The following TPD52L1 variants were observed in gnomAD, a reference collection of about 807,000 sequenced individuals.
TPD52L1 encodes the protein tumor protein D53.
A neutral mutation model predicts 28.7 loss-of-function variants in TPD52L1; 18 were observed. The ratio of observed to expected loss-of-function variants is 0.63; its 90% CI spans 0.43 to 0.93. TPD52L1 has a LOEUF of 0.93. Among genes scored for constraint, TPD52L1 ranks in the 40% least tolerant of loss-of-function variants. The pLI is 0.00. For synonymous variants in TPD52L1, 75 were observed against 88.8 expected, an observed-to-expected ratio of 0.84 and a Z score of 0.88; for missense variants, 203 against 254.8, an observed-to-expected ratio of 0.80 and a Z score of 1.39.
intron 3 of TPD52L1, among the ~76,000 whole-genome samples, chr6:125,244,886 T>C (rs749911814): frequency 2.4e-4 from 37 of 152,336 alleles, no homozygotes; most frequent in Admixed American, 5.2e-4. Context: ...CAAGGCCTGC[T>C]GTTCACATTC....
chr6:125,171,857 G>A (rs1298225974), intron 1 of TPD52L1, among the ~76,000 whole-genome samples: 4 of 152,220 alleles, frequency 2.6e-5, no homozygotes, highest in Non-Finnish European at 5.9e-5. Context: ...AGCTAACTCT[G>A]TGGTCATTTG....
chr6:125,249,029 A>G (rs1797091225), intron 4 of TPD52L1, among the ~76,000 whole-genome samples: 1 of 151,958 alleles, frequency 6.6e-6, no homozygotes, highest in Non-Finnish European at 1.5e-5. Context: ...AATAAGGGTG[A>G]CCATCAAGGT....
rs1484144025 is a variant in TPD52L1, at chr6:125,172,077, TTTCTCTTTCTTTCTTTCTTTCC to T, written c.19+18108_19+18129del. 4.5e-4 allele frequency among the ~76,000 whole-genome samples: 59 copies of T among 130,310 alleles called. 1 individual carries two copies. Among genetic ancestry groups the T allele is most frequent in the African/African-American group, 1.9e-3 (53 of 27,914 alleles). 85.5% of individuals were successfully genotyped at this position (130,310 alleles called of 152,430 possible). A position where few individuals can be genotyped will look rare whatever the true frequency, so the allele number is the denominator to read the frequency against. On this transcript the variant is annotated intron_variant, in intron 1 of 6. Transcript: ENST00000534000. ...CTTCTTTCTCTTCTTTCTTTCTTTCTTTCTCTTTCTTTCTTTCTTTCCCTTTCTTTCTTTCTTTCTTTCTTTC... is the reference window on the plus strand; with the variant it reads ...CTTCTTTCTCTTCTTTCTTTCTTTCTCTTTCTTTCTTTCTTTCTTTCTTTC...
chr6:125,214,563 G>T, intron 1 of TPD52L1: 1 of 538,418 alleles, frequency 1.9e-6, no homozygotes, highest in Non-Finnish European at 2.4e-6. Context: ...ATGATATGTA[G>T]AACATTGCCT....
intron 6 of TPD52L1, 76 bp from the exon 7 acceptor site, chr6:125,262,758 T>A: frequency 6.6e-7 from 1 of 1,515,422 alleles, no homozygotes; most frequent in South Asian, 1.3e-5. Flanking sequence ...GTAATCCAGC[T>A]TTTGGTATTC....
At chr6:125,225,200 T>C (rs2114976106) in intron 2 of TPD52L1, among the ~76,000 whole-genome samples, 1 of 152,368 alleles carries the variant, frequency 6.6e-6, no homozygotes. Context: ...TATGGCTGAA[T>C]AATATTCCAT....
chr6:125,153,776 A>T lies in TPD52L1; in HGVS notation c.-176A>T. 1.6e-6 allele frequency: 1 copy of T among 631,658 alleles called. No individual in the cohort carries two copies. The highest frequency in any genetic ancestry group is 2.6e-6 in the Non-Finnish European group (1 of 384,948). 39.1% of individuals were successfully genotyped at this position (631,658 alleles called of 1,614,324 possible). On this transcript the variant is annotated 5_prime_UTR_variant, in exon 1 of 7. In the 5' UTR this introduces an upstream ATG that the reference lacks. Transcript: ENST00000534000. ...ACTGGAAGGGGCGGAGGTAACCAGA[A>T]GCGGCTAGTGGCGGCTGCCTGCGTC... is the stretch of plus-strand genomic sequence containing the variant.
intron 1 of TPD52L1, among the ~76,000 whole-genome samples, chr6:125,195,397 T>G (rs1478614569): frequency 6.6e-6 from 1 of 152,186 alleles, no homozygotes; most frequent in Non-Finnish European, 1.5e-5. Context: ...TCCAACAGGT[T>G]TTAAATCATA....
chr6:125,212,226 C>A (rs1794570119), intron 1 of TPD52L1, among the ~76,000 whole-genome samples: 6 of 151,950 alleles, frequency 3.9e-5, no homozygotes, highest in Admixed American at 3.3e-4. Flanking sequence ...TACTTTATTG[C>A]ATTCCTTCTT....
intron 1 of TPD52L1, among the ~76,000 whole-genome samples, chr6:125,168,098 C>CA (rs1791025132): frequency 6.6e-6 from 1 of 152,146 alleles, no homozygotes; most frequent in South Asian, 2.1e-4. Flanking sequence ...CAGTTAGACA[C>CA]AAATAGAACT....
intron 1 of TPD52L1, among the ~76,000 whole-genome samples, chr6:125,197,903 G>A (rs1390656335): frequency 6.6e-6 from 1 of 152,210 alleles, no homozygotes; most frequent in Non-Finnish European, 1.5e-5. Flanking sequence ...GAAAGGCTGG[G>A]TAAATGCTGC....
At chr6:125,209,326 G>C (rs747740629) in intron 1 of TPD52L1, among the ~76,000 whole-genome samples, 2 of 152,190 alleles carry the variant, frequency 1.3e-5, no homozygotes, top group Admixed American at 6.5e-5. Flanking sequence ...GACGAACATA[G>C]CTTAAAGACA....
intron 1 of TPD52L1, among the ~76,000 whole-genome samples, chr6:125,203,433 A>G (rs1400500200): frequency 1.1e-4 from 16 of 152,036 alleles, no homozygotes. Flanking sequence ...TGTGTGTATT[A>G]AACAGTCCCT....
intron 3 of TPD52L1, among the ~76,000 whole-genome samples, chr6:125,245,249 T>C (rs987466461): frequency 6.6e-6 from 1 of 152,180 alleles, no homozygotes; most frequent in African/African-American, 2.4e-5. Context: ...TTAGCCAGGA[T>C]GTTACAGGCA....
chr6:125,188,341 T>C (rs1792790546), intron 1 of TPD52L1, among the ~76,000 whole-genome samples: 1 of 152,166 alleles, frequency 6.6e-6, no homozygotes, highest in African/African-American at 2.4e-5. Flanking sequence ...GCTGTGTTCT[T>C]AGTGTAGCTA....
chr6:125,242,867 C>A (rs1796695994), intron 3 of TPD52L1, among the ~76,000 whole-genome samples: 1 of 151,898 alleles, frequency 6.6e-6, no homozygotes, highest in Non-Finnish European at 1.5e-5. Context: ...TGTTTTGTTT[C>A]ATTTTGTTCT....
intron 1 of TPD52L1, among the ~76,000 whole-genome samples, chr6:125,159,768 G>A (rs1790384841): frequency 9.9e-6 from 1 of 100,670 alleles, no homozygotes; most frequent in Non-Finnish European, 1.8e-5. Context: ...TGGATGTTGT[G>A]TTAGTAGACG....
intron 3 of TPD52L1, among the ~76,000 whole-genome samples, chr6:125,246,640 T>C (rs994756858): frequency 5.3e-5 from 8 of 152,174 alleles, no homozygotes; most frequent in Admixed American, 5.2e-4. Flanking sequence ...TTAATTTGAA[T>C]GAGCTGACAT....
chr6:125,247,640 C>T (rs1797002068), intron 3 of TPD52L1, among the ~76,000 whole-genome samples: 1 of 152,140 alleles, frequency 6.6e-6, no homozygotes, highest in African/African-American at 2.4e-5. Context: ...AGACCAGGGA[C>T]ACAAAGATGA....
Sources: allele counts gnomAD v4.1 joint callset (sites outside exome capture counted in the v4.1 genomes callset), GRCh38; gene constraint gnomAD v4.1.1; transcripts MANE v1.5; gene names NCBI Gene and HGNC (gene_info 2026-07-23, HGNC 2026-07-21).